Variants in THSD4 observed in about 807,000 individuals in gnomAD.
THSD4 encodes thrombospondin type 1 domain containing 4, also known as thrombospondin type-1 domain-containing protein 4.
THSD4 carries 69 observed loss-of-function variants against 119.0 expected under a neutral mutation model. The observed-to-expected ratio is 0.58, with a 90% CI of 0.48 to 0.71. The LOEUF (loss-of-function observed/expected upper bound fraction) is 0.71, where lower values mean the gene tolerates loss of function less well. Ranked by LOEUF, THSD4 falls within the 30% of genes least tolerant of loss-of-function variation. THSD4 has a pLI of 0.00. For synonymous variants in THSD4, 524 were observed against 540.4 expected (o/e 0.97, Z 0.42); for missense variants, 1,393 against 1,391.1 (o/e 1.00, Z -0.02).
chr15:71,469,490 CG>C (rs2047543875), intron 7 of THSD4, among the ~76,000 whole-genome samples: 1 of 152,206 alleles, frequency 6.6e-6, no homozygotes, highest in African/African-American at 2.4e-5. Flanking sequence ...CACAGTCCCA[CG>C]GACACTTGCT....
At chr15:71,307,641 C>A (rs2045049011) in intron 6 of THSD4, among the ~76,000 whole-genome samples, 1 of 152,170 alleles carries the variant, frequency 6.6e-6, no homozygotes, top group East Asian at 1.9e-4. Flanking sequence ...TGGTGGGGGG[C>A]ACCTGTAATC....
intron 6 of THSD4, among the ~76,000 whole-genome samples, chr15:71,291,097 C>T (rs542931000): frequency 1.3e-3 from 194 of 152,166 alleles, no homozygotes; most frequent in Non-Finnish European, 2.2e-3. Flanking sequence ...CTGGATTGAG[C>T]ACTCCTATAT....
chr15:71,167,965 C>T (rs1299126487), intron 3 of THSD4, among the ~76,000 whole-genome samples: 2 of 152,194 alleles, frequency 1.3e-5, no homozygotes, highest in African/African-American at 4.8e-5. Context: ...AACTGTCCCA[C>T]AACAGTGCAG....
chr15:71,547,550 C>G (rs1180099927), intron 7 of THSD4: 1 of 1,516,962 alleles, frequency 6.6e-7, no homozygotes, highest in African/African-American at 1.4e-5. Context: ...CTTCTATCTA[C>G]CAAGAGGGAT....
chr15:71,667,929 C>A (rs547889248), intron 8 of THSD4, among the ~76,000 whole-genome samples: 12 of 152,222 alleles, frequency 7.9e-5, no homozygotes, highest in African/African-American at 2.6e-4. Flanking sequence ...CAATAAATAG[C>A]TATTTTCTAA....
At chr15:71,307,089 C>T (rs2045040558) in intron 6 of THSD4, among the ~76,000 whole-genome samples, 1 of 152,162 alleles carries the variant, frequency 6.6e-6, no homozygotes, top group Non-Finnish European at 1.5e-5. Context: ...ACAAATTTGC[C>T]TTCCTTGTTC....
chr15:71,728,618 A>C lies in THSD4; in HGVS notation c.1427A>C (p.Glu476Ala). The change falls in exon 9 of 18, where the codon GAG becomes GCG. Residue 476 changes from glutamate (E) to alanine (A), a missense_variant. Coordinates refer to ENST00000261862, the MANE Select transcript of THSD4 (RefSeq NM_024817.3). ...GCAATTGATCGACCAGGAAAATACG[A>C]GGGCGGAGGGACCATGTTCACCTAC... ...NWAIDRPGKY[E>A]GGGTMFTYKR... 11 of 1,614,194 alleles carry C rather than the reference A, an allele frequency of 6.8e-6. No homozygotes were observed. The highest frequency in any genetic ancestry group is 7.6e-6 in the Non-Finnish European group (9 of 1,180,040).
chr15:71,728,933 C>T, intron 9 of THSD4: 1 of 613,588 alleles, frequency 1.6e-6, no homozygotes, highest in Non-Finnish European at 2.8e-6. Context: ...TCCAACTCCA[C>T]CAGATGCTTA....
At chr15:71,719,229 T>A (rs2052667997) in intron 8 of THSD4, among the ~76,000 whole-genome samples, 1 of 152,212 alleles carries the variant, frequency 6.6e-6, no homozygotes, top group Non-Finnish European at 1.5e-5. Flanking sequence ...TTACAACCTG[T>A]GATTAGAGTG....
At chr15:71,577,102 A>G (rs2049462963) in intron 7 of THSD4, among the ~76,000 whole-genome samples, 1 of 152,152 alleles carries the variant, frequency 6.6e-6, no homozygotes. Context: ...AAAAAAAAAA[A>G]AAACCTTTAG....
At chr15:71,666,617 C>G (rs1040488925) in intron 8 of THSD4, among the ~76,000 whole-genome samples, 6 of 152,084 alleles carry the variant, frequency 3.9e-5, no homozygotes, top group Non-Finnish European at 8.8e-5. Flanking sequence ...AAGCTTTAGA[C>G]GTACTAAAAC....
At chr15:71,520,094 A>G (rs1477820030) in intron 7 of THSD4, among the ~76,000 whole-genome samples, 1 of 152,150 alleles carries the variant, frequency 6.6e-6, no homozygotes, top group African/African-American at 2.4e-5. Flanking sequence ...TGTAGATACT[A>G]TTATTAGCCC....
intron 7 of THSD4, among the ~76,000 whole-genome samples, chr15:71,605,788 T>C (rs2050098803): frequency 6.6e-6 from 1 of 152,190 alleles, no homozygotes; most frequent in South Asian, 2.1e-4. Context: ...GTAAATGTAG[T>C]ATTCAATGCC....
intron 7 of THSD4, among the ~76,000 whole-genome samples, chr15:71,430,165 A>G (rs953045423): frequency 3.3e-5 from 5 of 152,098 alleles, no homozygotes; most frequent in Non-Finnish European, 7.4e-5. Context: ...AGAAATTTTA[A>G]TTTTTAGTGA....
chr15:71,350,289 A>G (rs1291786054), intron 6 of THSD4, among the ~76,000 whole-genome samples: 3 of 152,210 alleles, frequency 2.0e-5, no homozygotes, highest in Non-Finnish European at 4.4e-5. Flanking sequence ...TTTTCAGCAT[A>G]TAACAAGAAA....
intron 6 of THSD4, among the ~76,000 whole-genome samples, chr15:71,401,374 G>T (rs2046530080): frequency 6.6e-6 from 1 of 152,132 alleles, no homozygotes; most frequent in African/African-American, 2.4e-5. Context: ...TTATTTTCTA[G>T]ATTTTTTTAA....
intron 7 of THSD4, among the ~76,000 whole-genome samples, chr15:71,457,263 G>A (rs115083624): frequency 3.3e-4 from 50 of 151,252 alleles, no homozygotes; most frequent in African/African-American, 1.1e-3. Context: ...TGCTCCTGTA[G>A]TGCCAGCTTT....
Position 71,749,580 on chromosome 15 carries a change from G to A in THSD4, c.2415+986G>A, listed in dbSNP as rs1443403056. On this transcript the variant is annotated intron_variant, in intron 14 of 17. Transcript: ENST00000261862. ...CACTTCCCTTGCTAGAATCCCGTGC[G>A]TACACGTTACCTGTGAACCGCATTA... is the stretch of plus-strand genomic sequence containing the variant. 5.3e-5 allele frequency among the ~76,000 whole-genome samples: 8 copies of A among 152,172 alleles called. No homozygotes were observed. The East Asian group carries it at 1.2e-3, about 22-fold the overall frequency.
chr15:71,206,312 A>G (rs2043843557), intron 3 of THSD4, among the ~76,000 whole-genome samples: 1 of 152,070 alleles, frequency 6.6e-6, no homozygotes, highest in Non-Finnish European at 1.5e-5. Flanking sequence ...GCGCCCGGCC[A>G]CGTTTGGAGA....
Sources: allele counts gnomAD v4.1 joint callset (sites outside exome capture counted in the v4.1 genomes callset), GRCh38; gene constraint gnomAD v4.1.1; transcripts MANE v1.5; gene names NCBI Gene and HGNC (gene_info 2026-07-23, HGNC 2026-07-21).